The following NAALADL2 variants were observed in gnomAD, a reference collection of about 807,000 sequenced individuals.
NAALADL2 encodes the protein N-acetylated alpha-linked acidic dipeptidase like 2.
A neutral mutation model predicts 87.2 loss-of-function variants in NAALADL2; 76 were observed. The ratio of observed to expected loss-of-function variants is 0.87; its 90% confidence interval spans 0.72 to 1.05. The LOEUF (loss-of-function observed/expected upper bound fraction) is 1.05, where lower values mean the gene tolerates loss of function less well. Ranked by LOEUF, NAALADL2 falls within the 50% of genes least tolerant of loss-of-function variation. NAALADL2 has a pLI of 0.00. For missense variants in NAALADL2, 1,089 were observed against 945.8 expected (o/e 1.15, Z -1.99); for synonymous variants, 354 against 331.0 (o/e 1.07, Z -0.75).
In NAALADL2 at chr3:175,346,568, G is replaced by A. The variant is rs1763180220; in HGVS notation, c.1090+22243G>A. Among the ~76,000 whole-genome samples the A allele has an allele frequency of 2.6e-5, 4 of 151,916 alleles. No homozygotes were observed. In the South Asian group the frequency reaches 6.2e-4, roughly 24 times the overall value. ...CTTTTGTTAATTAACCTTTCTAGTG[G>A]GGTCAACATTATGTTTATTATATAC... On this transcript the variant is annotated intron_variant, in intron 5 of 13. Transcript: ENST00000454872.
chr3:174,692,499 A>AT (rs1728669993), intron 2 of NAALADL2, among the ~76,000 whole-genome samples: 2 of 151,952 alleles, frequency 1.3e-5, no homozygotes, highest in Non-Finnish European at 2.9e-5. Context: ...TTTTTTTGTA[A>AT]TTTTTCAGTT....
At chr3:175,592,113 T>C (rs1007251281) in intron 10 of NAALADL2, among the ~76,000 whole-genome samples, 8 of 152,026 alleles carry the variant, frequency 5.3e-5, no homozygotes, top group Non-Finnish European at 1.0e-4. Context: ...AATCATCCGT[T>C]GATTGGCTAC....
chr3:175,125,344 G>C (rs547150515), intron 2 of NAALADL2, among the ~76,000 whole-genome samples: 5 of 151,842 alleles, frequency 3.3e-5, no homozygotes, highest in Non-Finnish European at 7.4e-5. Flanking sequence ...GTTAAGCAAA[G>C]GAGTGACATG....
At chr3:174,514,563 T>C (rs949697257) in intron 1 of NAALADL2, among the ~76,000 whole-genome samples, 2 of 152,198 alleles carry the variant, frequency 1.3e-5, no homozygotes, top group African/African-American at 4.8e-5. Flanking sequence ...TATTAAGTAG[T>C]CTTTTCTATA....
At chr3:175,798,175 T>C (rs1485753341) in intron 13 of NAALADL2, among the ~76,000 whole-genome samples, 1 of 152,084 alleles carries the variant, frequency 6.6e-6, no homozygotes, top group Non-Finnish European at 1.5e-5. Flanking sequence ...AAAGAAGATA[T>C]TTTTGCTAGC....
rs1400435778 is a variant in NAALADL2 at position 175,097,169 on chromosome 3, G to A, written c.423G>A (p.Leu141=). 2.0e-5 allele frequency: 32 copies of A among 1,613,768 alleles called. No individual in the cohort carries two copies. Among genetic ancestry groups the A allele is most frequent in the Non-Finnish European group, 2.7e-5 (32 of 1,179,716 alleles). Residue 141 remains leucine (L), a synonymous_variant, in exon 2 of 14, where the codon TTG becomes TTA. Transcript: ENST00000454872. ...CCATTTTATTTATTTTTGGGATTTT[G>A]ATAGGTTATTATGTACATACAAATT... is the stretch of plus-strand genomic sequence containing the variant. ...TATILFIFGI[L]IGYYVHTNCP... is the part of the protein sequence containing the mutation.
intron 1 of NAALADL2, among the ~76,000 whole-genome samples, chr3:174,493,983 GT>G (rs148531617): frequency 0.014 from 2,129 of 152,218 alleles, 48 homozygotes; most frequent in African/African-American, 0.049. Flanking sequence ...CTGACAAAAA[GT>G]TTTTTTGCAG....
rs115038204 is a variant in NAALADL2 at position 175,594,420 on chromosome 3, A to G, written c.1800+18233A>G. Among the ~76,000 whole-genome samples, 1,486 of 152,188 alleles carry G rather than the reference A, an allele frequency of 9.8e-3. 28 individuals carry two copies. The highest frequency in any genetic ancestry group is 0.034 in the African/African-American group (1,431 of 41,512). On this transcript the variant is annotated intron_variant, in intron 10 of 13. Coordinates refer to ENST00000454872, the MANE Select transcript of NAALADL2 (RefSeq NM_207015.3). ...ACTGATCGGTACCTAGGTTAATTCC[A>G]TGCCTTTGCTTTCCACCTCTTTGCT...
Position 174,572,365 on chromosome 3 carries a change from A to G in NAALADL2, c.-115+21728A>G, listed in dbSNP as rs372981776. Among the ~76,000 whole-genome samples, 35 of 152,334 alleles carry G rather than the reference A, an allele frequency of 2.3e-4. No individual in the cohort carries two copies. In the East Asian group the frequency reaches 6.6e-3, roughly 29 times the overall value. Reference sequence around the variant, plus strand: ...AACATTTTATAGTAAAATATCTTAGAAAGTTATGACAGAATGCAACTTCCT... The same window carrying G: ...AACATTTTATAGTAAAATATCTTAGGAAGTTATGACAGAATGCAACTTCCT... On this transcript the variant is annotated intron_variant, in intron 2 of 3. Coordinates refer to the NAALADL2 transcript ENST00000434257.
chr3:175,086,685 A>G (rs1719000200), intron 1 of NAALADL2, among the ~76,000 whole-genome samples: 1 of 151,928 alleles, frequency 6.6e-6, no homozygotes, highest in South Asian at 2.1e-4. Context: ...TTCATTTTTT[A>G]TATTCCTCTT....
intron 1 of NAALADL2, among the ~76,000 whole-genome samples, chr3:174,883,466 A>G (rs1729682044): frequency 6.6e-6 from 1 of 152,200 alleles, no homozygotes; most frequent in Admixed American, 6.5e-5. Context: ...AAATGCACTG[A>G]TCCCCAACCC....
chr3:174,713,469 T>C (rs1730881621), intron 2 of NAALADL2, among the ~76,000 whole-genome samples: 2 of 152,160 alleles, frequency 1.3e-5, no homozygotes, highest in Admixed American at 1.3e-4. Flanking sequence ...GCACCTGTTG[T>C]TTCCTGACTT....
Position 175,248,630 on chromosome 3 carries a change from T to C in NAALADL2, c.820-7781T>C, listed in dbSNP as rs866830408. 1.5e-4 allele frequency among the ~76,000 whole-genome samples: 23 copies of C among 152,290 alleles called. No individual in the cohort carries two copies. In the South Asian group the frequency reaches 2.3e-3, roughly 15 times the overall value. On this transcript the variant is annotated intron_variant, in intron 3 of 13. Transcript: ENST00000454872. ...ATATTCAGTCATTTATTCATTCACT[T>C]ATTTTATTTAGTTCCTACTGTGTGC... is the stretch of plus-strand genomic sequence containing the variant.
rs1421020458 is a variant in NAALADL2 at position 174,698,647 on chromosome 3, G to A, written c.-114-38994G>A. Among the ~76,000 whole-genome samples the A allele has an allele frequency of 1.0e-4, 10 of 96,546 alleles. 1 individual carries two copies. Among genetic ancestry groups the A allele is most frequent in the Non-Finnish European group, 1.6e-4 (9 of 57,364 alleles). 63.3% of individuals were successfully genotyped at this position (96,546 alleles called of 152,430 possible). On this transcript the variant is annotated intron_variant, in intron 2 of 3. Transcript: ENST00000434257. The stretch of plus-strand genomic sequence containing the variant: ...TGGGAGGCCGAGGCGGGCAGATCAC[G>A]AGGTCAGGAGATCGAGACCATCCCG...
At chr3:174,488,832 C>G (rs532074618) in intron 1 of NAALADL2, among the ~76,000 whole-genome samples, 5 of 152,082 alleles carry the variant, frequency 3.3e-5, no homozygotes, top group South Asian at 4.2e-4. Flanking sequence ...AGACACCCCC[C>G]CTAACCTTTG....
At chr3:174,863,813 C>G in intron 1 of NAALADL2, 1 of 279,720 alleles carries the variant, frequency 3.6e-6, no homozygotes, top group Non-Finnish European at 7.0e-6. Context: ...TCCTTCCCAG[C>G]CTACAGAACT....
At chr3:175,314,119 A>G (rs1448539737) in intron 4 of NAALADL2, among the ~76,000 whole-genome samples, 3 of 150,184 alleles carry the variant, frequency 2.0e-5, no homozygotes, top group Non-Finnish European at 4.4e-5. Flanking sequence ...TTTCTCTCTT[A>G]CCTTCTCTGG....
rs1739615526 is a variant in NAALADL2, at chr3:174,947,459, A to AC, written c.43+88009_43+88010insC. Among the ~76,000 whole-genome samples the AC allele has an allele frequency of 2.0e-5, 3 of 152,212 alleles. No individual in the cohort carries two copies. The South Asian group carries it at 6.2e-4, about 32-fold the overall frequency. ...TTCTAAGATTAACAGTTCCTTCCTTAAGTGCTGACCATGGTTAGGAATGGT... is the reference window on the plus strand; with the variant it reads ...TTCTAAGATTAACAGTTCCTTCCTTACAGTGCTGACCATGGTTAGGAATGGT... On this transcript the variant is annotated intron_variant, in intron 1 of 13. Transcript: ENST00000454872.
chr3:175,142,314 C>G (rs1035225778), intron 2 of NAALADL2, among the ~76,000 whole-genome samples: 2 of 151,918 alleles, frequency 1.3e-5, no homozygotes, highest in Non-Finnish European at 2.9e-5. Flanking sequence ...TTATGTGGAA[C>G]CTTTGAAACA....
Sources: allele counts gnomAD v4.1 joint callset (sites outside exome capture counted in the v4.1 genomes callset), GRCh38; gene constraint gnomAD v4.1.1; transcripts MANE v1.5; gene names NCBI Gene and HGNC (gene_info 2026-07-23, HGNC 2026-07-21).